GRID2: variants seen among roughly 807,000 people sequenced by gnomAD.
The protein encoded by GRID2 is glutamate receptor ionotropic, delta-2.
GRID2 carries 33 observed loss-of-function variants against 114.8 expected under a neutral mutation model. The ratio of observed to expected loss-of-function variants is 0.29; its 90% CI spans 0.22 to 0.38. GRID2 has a LOEUF of 0.38. GRID2 is among the 10% of genes least tolerant of loss of function. The pLI, the probability that GRID2 is intolerant of heterozygous loss-of-function variation, is 1.00. For synonymous variants in GRID2, 505 were observed against 449.9 expected (o/e 1.12, Z -1.55); for missense variants, 1,184 against 1,257.7 (o/e 0.94, Z 0.89).
chr4:92,990,050 G>A (rs1439551372), intron 2 of GRID2, among the ~76,000 whole-genome samples: 1 of 152,016 alleles, frequency 6.6e-6, no homozygotes, highest in East Asian at 1.9e-4. Flanking sequence ...TACTTTCACA[G>A]TAATCAAACA....
chr4:93,280,974 A>T (rs1331315995), intron 8 of GRID2, among the ~76,000 whole-genome samples: 2 of 151,908 alleles, frequency 1.3e-5, no homozygotes, highest in African/African-American at 4.8e-5. Flanking sequence ...TACCCTGGGG[A>T]TGTGGTTTAC....
At chr4:93,032,917 C>T (rs1463803865) in intron 2 of GRID2, among the ~76,000 whole-genome samples, 1 of 152,136 alleles carries the variant, frequency 6.6e-6, no homozygotes, top group Non-Finnish European at 1.5e-5. Flanking sequence ...TCATTCAGGT[C>T]TTTCTATCCT....
At chr4:92,821,868 T>C (rs1161692266) in intron 2 of GRID2, 2 of 153,994 alleles carry the variant, frequency 1.3e-5, no homozygotes, top group African/African-American at 4.8e-5. Context: ...CTTAAATACT[T>C]TCTCCCCATC....
At chr4:92,573,671 G>C (rs1727736703) in intron 1 of GRID2, among the ~76,000 whole-genome samples, 1 of 152,176 alleles carries the variant, frequency 6.6e-6, no homozygotes, top group African/African-American at 2.4e-5. Context: ...ACTGTGGTCT[G>C]AGGGACTGTT....
At position 92,970,048 on chromosome 4, in the gene GRID2, G is replaced by A. The variant is rs568413999; in HGVS notation, c.245-114947G>A. On this transcript the variant is annotated intron_variant, in intron 2 of 15. Coordinates refer to ENST00000282020, the MANE Select transcript of GRID2 (RefSeq NM_001510.4). Reference sequence around the variant, plus strand: ...ATGTTTCTTAAAATTCTAGCCAAATGTTTTCATTTATTCAACAGAGTTAGT... The same window carrying A: ...ATGTTTCTTAAAATTCTAGCCAAATATTTTCATTTATTCAACAGAGTTAGT... Among the ~76,000 whole-genome samples the A allele has an allele frequency of 1.4e-3, 210 of 152,020 alleles. 1 individual carries two copies. The highest frequency in any genetic ancestry group is 4.9e-3 in the African/African-American group (202 of 41,534).
At chr4:92,727,125 C>T (rs979497896) in intron 2 of GRID2, among the ~76,000 whole-genome samples, 22 of 151,716 alleles carry the variant, frequency 1.5e-4, no homozygotes, top group Non-Finnish European at 1.2e-4. Flanking sequence ...AAGCTTATTC[C>T]CTATGTATTT....
intron 11 of GRID2, among the ~76,000 whole-genome samples, chr4:93,470,222 TA>T (rs1406510923): frequency 6.6e-5 from 10 of 152,120 alleles, no homozygotes; most frequent in Admixed American, 6.5e-4. Flanking sequence ...TGGACACTTT[TA>T]AGTCGGAATG....
chr4:93,720,199 T>C (rs1729233065), intron 14 of GRID2, among the ~76,000 whole-genome samples: 5 of 152,194 alleles, frequency 3.3e-5, no homozygotes, highest in Admixed American at 3.3e-4. Context: ...GAAATTTCCA[T>C]TGCAGGCCAT....
At chr4:92,337,575 C>T (rs75228441) in intron 1 of GRID2, among the ~76,000 whole-genome samples, 4,712 of 152,224 alleles carry the variant, frequency 0.031, 234 homozygotes, top group African/African-American at 0.11. Context: ...TGGCCGAAGG[C>T]ACTTCTTCAC....
intron 2 of GRID2, among the ~76,000 whole-genome samples, chr4:92,704,723 T>TTCTCTCTCTCTCTCTCTG: frequency 1.1e-5 from 1 of 90,100 alleles, no homozygotes; most frequent in East Asian, 4.0e-4. Context: ...CTCTCTCTCT[T>TTCTCTCTCTCTCTCTCTG]TCTCTCTCTC....
intron 2 of GRID2, among the ~76,000 whole-genome samples, chr4:92,995,067 T>C (rs1306337843): frequency 6.6e-6 from 1 of 152,208 alleles, no homozygotes; most frequent in Non-Finnish European, 1.5e-5. Context: ...TGCCTTTGCC[T>C]TTCTCACAAG....
At chr4:92,965,809 G>C (rs1753121814) in intron 2 of GRID2, among the ~76,000 whole-genome samples, 1 of 151,848 alleles carries the variant, frequency 6.6e-6, no homozygotes, top group South Asian at 2.1e-4. Context: ...ATTCCCAGAT[G>C]ACGAAATTTT....
chr4:93,517,347 G>C (rs1024711238), intron 13 of GRID2, among the ~76,000 whole-genome samples: 2 of 152,034 alleles, frequency 1.3e-5, no homozygotes, highest in African/African-American at 4.8e-5. Flanking sequence ...TCTATTCTTT[G>C]TTAGTCTGTT....
At chr4:92,402,950 A>G (rs1429497078) in intron 1 of GRID2, among the ~76,000 whole-genome samples, 1 of 152,224 alleles carries the variant, frequency 6.6e-6, no homozygotes, top group African/African-American at 2.4e-5. Flanking sequence ...CCTTCTTTAA[A>G]TGATCTTAAC....
intron 14 of GRID2, among the ~76,000 whole-genome samples, chr4:93,723,628 A>C (rs1417032719): frequency 6.6e-6 from 1 of 152,204 alleles, no homozygotes; most frequent in Non-Finnish European, 1.5e-5. Flanking sequence ...AATGGCTTTT[A>C]TGAACTTACT....
At chr4:92,368,957 A>AG (rs1408373843) in intron 1 of GRID2, among the ~76,000 whole-genome samples, 1 of 151,792 alleles carries the variant, frequency 6.6e-6, no homozygotes, top group Admixed American at 6.6e-5. Context: ...AAAAAAAAAA[A>AG]AAGTATTAGG....
chr4:93,632,348 A>T lies in GRID2; in HGVS notation c.2360+5913A>T, dbSNP rs1040325656. ...TTTCTTCTAGGGTTTTTATGGTTTT[A>T]GGTCTAACATTGAAGTCTTTGATCC... is the stretch of plus-strand genomic sequence containing the variant. On this transcript the variant is annotated intron_variant, in intron 14 of 15. Coordinates refer to ENST00000282020, the MANE Select transcript of GRID2 (RefSeq NM_001510.4). 2.6e-5 allele frequency among the ~76,000 whole-genome samples: 4 copies of T among 152,282 alleles called. No individual in the cohort carries two copies. The South Asian group carries it at 8.3e-4, about 32-fold the overall frequency.
intron 8 of GRID2, among the ~76,000 whole-genome samples, chr4:93,268,104 T>G (rs1751054773): frequency 6.6e-6 from 1 of 152,168 alleles, no homozygotes; most frequent in Admixed American, 6.5e-5. Flanking sequence ...CCCATTTTCT[T>G]TTTTCTGTTA....
chr4:93,801,156 G>A (rs1203965202), intron 1 of GRID2, among the ~76,000 whole-genome samples: 2 of 152,024 alleles, frequency 1.3e-5, no homozygotes, highest in African/African-American at 4.8e-5. Context: ...ATGAAAGTAA[G>A]CAATTAATCT....
Sources: allele counts gnomAD v4.1 joint callset (sites outside exome capture counted in the v4.1 genomes callset), GRCh38; gene constraint gnomAD v4.1.1; transcripts MANE v1.5; gene names NCBI Gene and HGNC (gene_info 2026-07-23, HGNC 2026-07-21).